NKAIN3: variants seen among roughly 807,000 people sequenced by gnomAD.
NKAIN3 encodes the protein sodium/potassium transporting ATPase interacting 3, also known as sodium/potassium-transporting ATPase subunit beta-1-interacting protein 3.
In NKAIN3, 25 loss-of-function variants were observed where a neutral mutation model predicts 30.2. That is an observed-to-expected ratio of 0.83 (90% CI 0.60 to 1.16). The LOEUF (loss-of-function observed/expected upper bound fraction) is 1.16. NKAIN3 is among the 50% of genes most tolerant of loss of function. NKAIN3 has a pLI of 0.00. For synonymous variants in NKAIN3, 91 were observed against 89.6 expected, an observed-to-expected ratio of 1.02 and a Z score of -0.09; for missense variants, 225 against 254.1, an observed-to-expected ratio of 0.89 and a Z score of 0.78.
At chr8:62,736,373 T>C (rs1815673885) in intron 3 of NKAIN3, among the ~76,000 whole-genome samples, 1 of 152,138 alleles carries the variant, frequency 6.6e-6, no homozygotes, top group African/African-American at 2.4e-5. Flanking sequence ...TGGGGGTTGC[T>C]GGTGTGGATT....
intron 1 of NKAIN3, among the ~76,000 whole-genome samples, chr8:62,292,685 C>A (rs4391424): frequency 0.29 from 44,149 of 152,034 alleles, 6,666 homozygotes; most frequent in Admixed American, 0.34. Flanking sequence ...TCCTTCATTT[C>A]AACTTTGGTG....
chr8:62,290,188 G>A (rs199662836), intron 1 of NKAIN3, among the ~76,000 whole-genome samples: 4 of 152,222 alleles, frequency 2.6e-5, no homozygotes, highest in Non-Finnish European at 5.9e-5. Context: ...TCATCTGCAA[G>A]CAGGGACAAT....
intron 1 of NKAIN3, among the ~76,000 whole-genome samples, chr8:62,338,202 GA>G (rs1338994920): frequency 2.0e-5 from 3 of 151,866 alleles, no homozygotes; most frequent in African/African-American, 7.2e-5. Flanking sequence ...CATATTTCAT[GA>G]TGTGAAAAGT....
chr8:62,607,804 CTG>C (rs1311350127), intron 3 of NKAIN3, among the ~76,000 whole-genome samples: 3 of 152,080 alleles, frequency 2.0e-5, no homozygotes, highest in Non-Finnish European at 4.4e-5. Flanking sequence ...TTATAAAATA[CTG>C]TGTCTCATAT....
chr8:62,381,301 C>T (rs1403757919), intron 1 of NKAIN3, among the ~76,000 whole-genome samples: 1 of 151,980 alleles, frequency 6.6e-6, no homozygotes, highest in Non-Finnish European at 1.5e-5. Flanking sequence ...TTTTCTTCAC[C>T]ATTCATCAAG....
At chr8:62,307,076 C>T (rs1814268496) in intron 1 of NKAIN3, among the ~76,000 whole-genome samples, 1 of 149,944 alleles carries the variant, frequency 6.7e-6, no homozygotes, top group Non-Finnish European at 1.5e-5. Context: ...GGTCAAATTT[C>T]TGAGGTAACA....
At chr8:62,357,085 G>A (rs979213655) in intron 1 of NKAIN3, among the ~76,000 whole-genome samples, 2 of 152,008 alleles carry the variant, frequency 1.3e-5, no homozygotes, top group African/African-American at 4.8e-5. Flanking sequence ...CTGGGCAACA[G>A]AGTGAGACCC....
intron 1 of NKAIN3, among the ~76,000 whole-genome samples, chr8:62,289,088 T>G (rs1813483705): frequency 6.6e-6 from 1 of 152,190 alleles, no homozygotes; most frequent in African/African-American, 2.4e-5. Flanking sequence ...TTGATGGGGT[T>G]GTTTGATTTT....
At chr8:62,455,859 C>G (rs1805803669) in intron 1 of NKAIN3, among the ~76,000 whole-genome samples, 1 of 152,158 alleles carries the variant, frequency 6.6e-6, no homozygotes, top group South Asian at 2.1e-4. Context: ...CAGTAATCCC[C>G]CTTATCTTTG....
chr8:62,688,949 T>C (rs192787927), intron 3 of NKAIN3, among the ~76,000 whole-genome samples: 4 of 152,340 alleles, frequency 2.6e-5, no homozygotes, highest in Admixed American at 2.0e-4. Flanking sequence ...AAAGAATTTA[T>C]ATTATTTTAA....
In NKAIN3 at chr8:62,503,266, G is replaced by A. The variant is rs541661417; in HGVS notation, c.55-76273G>A. ...TAGGTCCGTGATGCCCACCTGAGCC[G>A]CAAAACCAGCAAGTTTTTATTAGGG... is the stretch of plus-strand genomic sequence containing the variant. On this transcript the variant is annotated intron_variant, in intron 1 of 6. Transcript: ENST00000623646. 2.4e-4 allele frequency among the ~76,000 whole-genome samples: 37 copies of A among 152,278 alleles called. No homozygotes were observed. In the South Asian group the frequency reaches 3.5e-3, roughly 14 times the overall value.
Position 62,629,268 on chromosome 8 carries a change from A to T in NKAIN3, c.273+39474A>T, listed in dbSNP as rs190748162. 3.1e-3 allele frequency among the ~76,000 whole-genome samples: 468 copies of T among 152,060 alleles called. 2 individuals carry two copies. The highest frequency in any genetic ancestry group is 0.011 in the African/African-American group (457 of 41,490). ...CCTCACCTCTACCCTTTTTTGCATG[A>T]TTTTTTTATATTTCCTTATCTAATA... On this transcript the variant is annotated intron_variant, in intron 3 of 6. Transcript: ENST00000623646.
chr8:62,908,107 G>A (rs1272467783), intron 4 of NKAIN3, among the ~76,000 whole-genome samples: 1 of 152,214 alleles, frequency 6.6e-6, no homozygotes, highest in Non-Finnish European at 1.5e-5. Context: ...CCTTGCATCA[G>A]TGTGACCCGG....
At chr8:62,703,804 C>A (rs907022022) in intron 3 of NKAIN3, among the ~76,000 whole-genome samples, 1 of 152,302 alleles carries the variant, frequency 6.6e-6, no homozygotes, top group South Asian at 2.1e-4. Flanking sequence ...AAATGCTGGG[C>A]ATAACATCAT....
At chr8:62,622,197 A>G (rs1811638691) in intron 3 of NKAIN3, among the ~76,000 whole-genome samples, 2 of 152,010 alleles carry the variant, frequency 1.3e-5, no homozygotes, top group African/African-American at 2.4e-5. Context: ...ACCAAAGGAT[A>G]TCTTGGTTCT....
chr8:62,487,507 A>G (rs1806939327), intron 1 of NKAIN3, among the ~76,000 whole-genome samples: 1 of 152,248 alleles, frequency 6.6e-6, no homozygotes, highest in Admixed American at 6.5e-5. Context: ...AAGTTAAGAC[A>G]GCATTGCATG....
At chr8:62,951,450 T>A (rs777082864) in intron 5 of NKAIN3, among the ~76,000 whole-genome samples, 1 of 152,170 alleles carries the variant, frequency 6.6e-6, no homozygotes, top group African/African-American at 2.4e-5. Flanking sequence ...TTAAATTTGT[T>A]TGTTTGTTTG....
At chr8:62,759,389 T>C (rs1340631617) in intron 4 of NKAIN3, among the ~76,000 whole-genome samples, 1 of 152,158 alleles carries the variant, frequency 6.6e-6, no homozygotes, top group African/African-American at 2.4e-5. Flanking sequence ...AATGGAGTAA[T>C]AGGATTAGAA....
intron 4 of NKAIN3, among the ~76,000 whole-genome samples, chr8:62,875,974 A>G (rs1271144233): frequency 1.3e-5 from 2 of 152,172 alleles, no homozygotes; most frequent in Non-Finnish European, 1.5e-5. Flanking sequence ...AAAATTGACA[A>G]ATGAGATCTA....
Sources: gnomAD v4.1 joint callset for allele counts (sites outside exome capture counted in the v4.1 genomes callset) on GRCh38, gnomAD v4.1.1 for gene constraint, MANE v1.5 for transcripts, NCBI Gene and HGNC (gene_info 2026-07-23, HGNC 2026-07-21) for gene names.